HHIPL1: variants seen among roughly 807,000 people sequenced by gnomAD.
HHIPL1 encodes the protein HHIP like 1.
Under a neutral mutation model 61.8 loss-of-function variants are expected in HHIPL1, and 43 were observed. The ratio of observed to expected loss-of-function variants is 0.70; its 90% confidence interval spans 0.55 to 0.90. The LOEUF is 0.90. HHIPL1 is among the 40% of genes least tolerant of loss of function. The probability of loss-of-function intolerance (pLI) is 0.00; values close to 1 mark genes in which losing one functional copy is unlikely to be tolerated. For missense variants in HHIPL1, 1,056 were observed against 1,157.7 expected (o/e 0.91, Z 1.28); for synonymous variants, 482 against 515.8 (o/e 0.93, Z 0.89).
chr14:99,647,834 C>T (rs1339286915), intron 1 of HHIPL1, among the ~76,000 whole-genome samples: 1 of 152,184 alleles, frequency 6.6e-6, no homozygotes, highest in Non-Finnish European at 1.5e-5. Context: ...GAGACTCTTT[C>T]CTGAGGCTTT....
the HHIPL1 span, among the ~76,000 whole-genome samples, chr14:99,611,502 T>C: frequency 6.6e-6 from 1 of 151,752 alleles, no homozygotes; most frequent in East Asian, 1.9e-4. Context: ...GTCAGGCTGG[T>C]CTCGAACTCC....
intron 1 of HHIPL1, among the ~76,000 whole-genome samples, chr14:99,649,627 C>CAAA (rs2055894485): frequency 6.6e-6 from 1 of 151,888 alleles, no homozygotes; most frequent in African/African-American, 2.4e-5. Context: ...CCTGTCTCTG[C>CAAA]AAAAAATAAA....
At chr14:99,644,606 G>A (rs1448406258), upstream of HHIPL1, among the ~76,000 whole-genome samples, 1 of 152,084 alleles carries the variant, frequency 6.6e-6, no homozygotes, top group Non-Finnish European at 1.5e-5. Context: ...TGGGCTGCAG[G>A]AGAATCCGCT....
chr14:99,623,416 A>G, the HHIPL1 span, among the ~76,000 whole-genome samples: 1 of 151,880 alleles, frequency 6.6e-6, no homozygotes, highest in African/African-American at 2.4e-5. Context: ...GACAATAGAC[A>G]CTTTTTCTTT....
the HHIPL1 span, among the ~76,000 whole-genome samples, chr14:99,634,965 T>C: frequency 6.6e-6 from 1 of 152,208 alleles, no homozygotes; most frequent in Non-Finnish European, 1.5e-5. Context: ...ACGCCGCCTG[T>C]CAGCAACGTG....
chr14:99,648,439 G>T (rs2055875436), intron 1 of HHIPL1, among the ~76,000 whole-genome samples: 1 of 152,130 alleles, frequency 6.6e-6, no homozygotes. Flanking sequence ...GTGTGCGCTG[G>T]CTCCAAAGCC....
chr14:99,633,931 A>G, the HHIPL1 span, among the ~76,000 whole-genome samples: 2 of 152,214 alleles, frequency 1.3e-5, no homozygotes, highest in Non-Finnish European at 2.9e-5. Flanking sequence ...GGTGTGTGAG[A>G]AAAGCACTGA....
In HHIPL1 at chr14:99,668,848, G is replaced by A. The variant is rs750407693; in HGVS notation, c.1730+545G>A. The A allele has an allele frequency of 1.5e-5, 24 of 1,613,730 alleles. No homozygotes were observed. The highest frequency in any genetic ancestry group is 9.3e-5 in the African/African-American group (7 of 74,928). On this transcript the variant is annotated intron_variant, in intron 7 of 8. Transcript: ENST00000330710. This position sits in a 1 kb window ranked among gnomAD's most constrained non-coding sequence, Gnocchi z 4.7. ...CCCTTCTAGCTGTAAGGCCAGAAGC[G>A]CCATGCCCGGCTATGTCCCAGCTCC...
At chr14:99,641,891 TTCTTGGA>T (rs1341998097), upstream of HHIPL1, among the ~76,000 whole-genome samples, 2 of 152,298 alleles carry the variant, frequency 1.3e-5, no homozygotes, top group African/African-American at 4.8e-5. Context: ...GCCTCTTAGA[TTCTTGGA>T]TCTGTTGTTT....
chr14:99,651,655 A>C (rs1422672169), intron 1 of HHIPL1, among the ~76,000 whole-genome samples: 5 of 152,194 alleles, frequency 3.3e-5, no homozygotes, highest in Non-Finnish European at 7.4e-5. Context: ...ACACAGATCC[A>C]AGCCATATCA....
At chr14:99,656,285 C>T (rs530476810) in intron 2 of HHIPL1, among the ~76,000 whole-genome samples, 5 of 152,200 alleles carry the variant, frequency 3.3e-5, no homozygotes, top group African/African-American at 1.2e-4. Context: ...ACAAACAAAA[C>T]AAAACAAAAC....
chr14:99,643,206 A>G (rs2055775478), upstream of HHIPL1, among the ~76,000 whole-genome samples: 1 of 151,962 alleles, frequency 6.6e-6, no homozygotes, highest in African/African-American at 2.4e-5. Context: ...CGCCTGGCTA[A>G]TTTTTGTATT....
chr14:99,646,335 G>C (rs545828500), intron 1 of HHIPL1, among the ~76,000 whole-genome samples: 3 of 152,276 alleles, frequency 2.0e-5, no homozygotes, highest in Non-Finnish European at 4.4e-5. Context: ...GGCCCCAGGG[G>C]CCAGGGCCGT....
the HHIPL1 span, among the ~76,000 whole-genome samples, chr14:99,610,518 G>A: frequency 1.3e-5 from 2 of 152,142 alleles, no homozygotes; most frequent in Non-Finnish European, 2.9e-5. Context: ...CCAGCACTTT[G>A]GGAGGCCAAG....
chr14:99,655,787 G>A (rs2056018218), intron 2 of HHIPL1, among the ~76,000 whole-genome samples: 1 of 152,190 alleles, frequency 6.6e-6, no homozygotes, highest in Admixed American at 6.5e-5. Flanking sequence ...TTAAAGACTA[G>A]TAACTGTAAG....
chr14:99,634,533 C>T, the HHIPL1 span, among the ~76,000 whole-genome samples: 1 of 152,240 alleles, frequency 6.6e-6, no homozygotes, highest in Admixed American at 6.5e-5. Flanking sequence ...TCTCTAACTA[C>T]AGCACCCTAA....
the HHIPL1 span, among the ~76,000 whole-genome samples, chr14:99,638,347 T>C: frequency 6.6e-6 from 1 of 152,136 alleles, no homozygotes; most frequent in African/African-American, 2.4e-5. Context: ...ACAGGCGGCC[T>C]GTCGGGGAAG....
At chr14:99,642,183 G>C (rs1435550599), upstream of HHIPL1, among the ~76,000 whole-genome samples, 1 of 151,784 alleles carries the variant, frequency 6.6e-6, no homozygotes, top group African/African-American at 2.4e-5. Flanking sequence ...CAGGTGATCA[G>C]CCCGCCTCCA....
At chr14:99,609,443 T>C in the HHIPL1 span, among the ~76,000 whole-genome samples, 1 of 152,254 alleles carries the variant, frequency 6.6e-6, no homozygotes, top group East Asian at 1.9e-4. Context: ...AAACAAGGAT[T>C]GTCCAGGAAA....
Sources: gnomAD v4.1 joint callset for allele counts (sites outside exome capture counted in the v4.1 genomes callset) on GRCh38, gnomAD v4.1.1 for gene constraint, Gnocchi (gnomAD v3.1) non-coding constraint, MANE v1.5 for transcripts, NCBI Gene and HGNC (gene_info 2026-07-23, HGNC 2026-07-21) for gene names.